POU3F2: variants seen among roughly 807,000 people sequenced by gnomAD.
POU3F2 encodes POU class 3 homeobox 2, also known as POU domain, class 3, transcription factor 2.
Under a neutral mutation model 33.1 loss-of-function variants are expected in POU3F2, and 11 were observed. That is an observed-to-expected ratio of 0.33 (90% CI 0.21 to 0.55). The LOEUF (loss-of-function observed/expected upper bound fraction) is 0.55. Ranked by LOEUF, POU3F2 falls within the 20% of genes least tolerant of loss-of-function variation. The pLI is 0.91. For missense variants in POU3F2, 456 were observed against 620.2 expected (o/e 0.74, Z 2.81); for synonymous variants, 332 against 289.6 (o/e 1.15, Z -1.49).
In POU3F2 at chr6:98,837,809, G is replaced by A. The variant is rs1181515380; in HGVS notation, c.*1604G>A. 6.0e-6 allele frequency: 1 copy of A among 166,714 alleles called. No homozygotes were observed. The highest frequency in any genetic ancestry group is 1.5e-5 in the Non-Finnish European group (1 of 68,112). The allele number at this position is 166,714 out of a possible 1,614,324, so 10.3% of individuals were successfully genotyped here. A position where few individuals can be genotyped will look rare whatever the true frequency, so the allele number is the denominator to read the frequency against. On this transcript the variant is annotated 3_prime_UTR_variant, in exon 1 of 1. Transcript: ENST00000328345. ...ACAAAAGACTCTACTGGAAAGTGTA[G>A]GTGAAAAAACTTGTAACTGTATTGA...
Position 98,834,678 on chromosome 6 carries a change from G to T in POU3F2, c.-196G>T, listed in dbSNP as rs1562201232. On this transcript the variant is annotated 5_prime_UTR_variant, in exon 1 of 1. Coordinates refer to ENST00000328345, the MANE Select transcript of POU3F2 (RefSeq NM_005604.4). ...GGAGAAAGAGAGCGAGGGCGGGCGG[G>T]AGGCGGCGGCGGCGGCAGCAGCAGC... The T allele has an allele frequency of 1.6e-6, 1 of 623,826 alleles. No homozygotes were observed. The highest frequency in any genetic ancestry group is 2.7e-6 in the Non-Finnish European group (1 of 365,742). The allele number at this position is 623,826 out of a possible 1,614,324, so 38.6% of individuals were successfully genotyped here.
chr6:98,835,911 C>T lies in POU3F2; in HGVS notation c.1038C>T (p.Asp346=), dbSNP rs761574545. The T allele has an allele frequency of 1.9e-6, 3 of 1,614,192 alleles. No individual in the cohort carries two copies. The Admixed American group carries it at 5.0e-5, about 27-fold the overall frequency. Residue 346 remains aspartate (D), a synonymous_variant, in exon 1 of 1, where the codon GAC becomes GAT. Transcript: ENST00000328345. This position sits in a 1 kb window ranked among gnomAD's most constrained non-coding sequence, Gnocchi z 9.7. ...CCTCGGGCAGCCCCACGAGCATAGA[C>T]AAGATCGCAGCGCAAGGGCGCAAGC... ...DSSSGSPTSI[D]KIAAQGRKRK...
Position 98,834,859 on chromosome 6 carries a change from C to A in POU3F2, c.-15C>A. 6.3e-7 allele frequency: 1 copy of A among 1,595,158 alleles called. No individual in the cohort carries two copies. The highest frequency in any genetic ancestry group is 2.3e-5 in the East Asian group (1 of 44,064). On this transcript the variant is annotated 5_prime_UTR_variant, in exon 1 of 1. Coordinates refer to ENST00000328345, the MANE Select transcript of POU3F2 (RefSeq NM_005604.4). ...GGCTCCTTTAACCGGAGCGCTCAGT[C>A]CGGCTCCGAGAGTCATGGCGACCGC...
At position 98,838,991 on chromosome 6, in the gene POU3F2, G is replaced by A. The variant is rs1353961556; in HGVS notation, c.*2786G>A. 2 of 148,708 alleles carry A rather than the reference G, an allele frequency of 1.3e-5. No individual in the cohort carries two copies. Among genetic ancestry groups the A allele is most frequent in the African/African-American group, 2.5e-5 (1 of 40,048 alleles). 9.2% of individuals were successfully genotyped at this position (148,708 alleles called of 1,614,324 possible). The stretch of plus-strand genomic sequence containing the variant: ...AGATTTGATGTTCATAACTTTCAGA[G>A]GCTTTTTTTTTTTTTAATGGAGACT... On this transcript the variant is annotated 3_prime_UTR_variant, in exon 1 of 1. Coordinates refer to ENST00000328345, the MANE Select transcript of POU3F2 (RefSeq NM_005604.4).
rs1438423232 is a variant in POU3F2 at position 98,835,613 on chromosome 6, G to T, written c.740G>T (p.Gly247Val). 1.2e-6 allele frequency: 2 copies of T among 1,611,438 alleles called. No individual in the cohort carries two copies. Among genetic ancestry groups the T allele is most frequent in the South Asian group, 2.2e-5 (2 of 91,020 alleles). ...CCGCCGCCCCCGCCGCCCCCGCAGG[G>T]TCCGCCTGGCCACCCAGGCGCGCAC... ...QQPPPPPPPQ[G>V]PPGHPGAHHD... The change falls in exon 1 of 1, where the codon GGT becomes GTT. Residue 247 changes from glycine (G) to valine (V), a missense_variant. Coordinates refer to ENST00000328345, the MANE Select transcript of POU3F2 (RefSeq NM_005604.4). The surrounding 1 kb of genome is among the most constrained non-coding windows in gnomAD (Gnocchi z 9.7).
At position 98,835,878 on chromosome 6, in the gene POU3F2, G is replaced by A. The variant is rs774425066; in HGVS notation, c.1005G>A (p.Ala335=). The change falls in exon 1 of 1, where the codon GCG becomes GCA. Residue 335 remains alanine (A), a synonymous_variant. Transcript: ENST00000328345. The surrounding 1 kb of genome is among the most constrained non-coding windows in gnomAD (Gnocchi z 9.7). The part of the protein sequence containing the change: ...KPLLNKWLEE[A]DSSSGSPTSI... ...TGTTGAACAAGTGGTTGGAGGAGGC[G>A]GACTCGTCCTCGGGCAGCCCCACGA... 23 of 1,614,192 alleles carry A rather than the reference G, an allele frequency of 1.4e-5. No homozygotes were observed. The highest frequency in any genetic ancestry group is 5.0e-5 in the Admixed American group (3 of 60,030).
Position 98,836,167 on chromosome 6 carries a change from A to C in POU3F2, c.1294A>C (p.Thr432Pro), listed in dbSNP as rs1582335118. The C allele has an allele frequency of 6.3e-7, 1 of 1,588,610 alleles. No homozygotes were observed. The highest frequency in any genetic ancestry group is 1.2e-5 in the South Asian group (1 of 86,104). Reference protein sequence around the residue: ...AEDVYGGSRDTPPHHGVQTPV... With the variant: ...AEDVYGGSRDPPPHHGVQTPV... ...GGATGTGTACGGGGGGAGTAGGGAC[A>C]CTCCACCACACCACGGGGTGCAGAC... The change falls in exon 1 of 1, where the codon ACT (threonine) becomes CCT (proline). Residue 432 changes from threonine (T) to proline (P), a missense_variant. Coordinates refer to ENST00000328345, the MANE Select transcript of POU3F2 (RefSeq NM_005604.4).
In POU3F2 at chr6:98,835,216, G is replaced by A. The variant is rs1200251709; in HGVS notation, c.343G>A (p.Gly115Arg). 4 of 1,522,632 alleles carry A rather than the reference G, an allele frequency of 2.6e-6. No homozygotes were observed. The South Asian group carries it at 3.7e-5, about 14-fold the overall frequency. The allele number at this position is 1,522,632 out of a possible 1,614,324, so 94.3% of individuals were successfully genotyped here. Residue 115 changes from glycine (G) to arginine (R), a missense_variant, in exon 1 of 1, where the codon GGA becomes AGA. Transcript: ENST00000328345. This position sits in a 1 kb window ranked among gnomAD's most constrained non-coding sequence, Gnocchi z 9.7. ...PSVVVQQGGRGDELHGPGALQ... is the reference protein window; with the variant it reads ...PSVVVQQGGRRDELHGPGALQ... ...GGTGGTGGTGCAGCAGGGCGGCCGC[G>A]GAGACGAGCTGCACGGGCCAGGCGC...
Position 98,836,304 on chromosome 6 carries a change from C to G in POU3F2, c.*99C>G. 1 of 1,343,786 alleles carries G rather than the reference C, an allele frequency of 7.4e-7. No homozygotes were observed. Among genetic ancestry groups the G allele is most frequent in the Non-Finnish European group, 9.8e-7 (1 of 1,021,150 alleles). 83.2% of individuals were successfully genotyped at this position (1,343,786 alleles called of 1,614,324 possible). On this transcript the variant is annotated 3_prime_UTR_variant, in exon 1 of 1. Transcript: ENST00000328345. The stretch of plus-strand genomic sequence containing the variant: ...GTTCCCTCTCTAACTTCTGATTGTT[C>G]TTTTATTTTTAATTATTATTTCCCC...
chr6:98,835,248 G>A lies in POU3F2; in HGVS notation c.375G>A (p.Gln125=). ...GDELHGPGAL[Q]QQHQQQQQQQ... Reference sequence around the variant, plus strand: ...AGCTGCACGGGCCAGGCGCCCTGCAGCAGCAGCATCAGCAGCAGCAACAGC... The same window carrying A: ...AGCTGCACGGGCCAGGCGCCCTGCAACAGCAGCATCAGCAGCAGCAACAGC... The change falls in exon 1 of 1, where the codon CAG becomes CAA. Residue 125 remains glutamine (Q), a synonymous_variant. Coordinates refer to ENST00000328345, the MANE Select transcript of POU3F2 (RefSeq NM_005604.4). This position sits in a 1 kb window ranked among gnomAD's most constrained non-coding sequence, Gnocchi z 9.7. 1.9e-6 allele frequency: 3 copies of A among 1,542,408 alleles called. No homozygotes were observed. Among genetic ancestry groups the A allele is most frequent in the Non-Finnish European group, 2.6e-6 (3 of 1,144,530 alleles).
At position 98,835,002 on chromosome 6, in the gene POU3F2, C is replaced by T. The variant is rs779817958; in HGVS notation, c.129C>T (p.Gly43=). 1.1e-5 allele frequency: 17 copies of T among 1,591,426 alleles called. No homozygotes were observed. The highest frequency in any genetic ancestry group is 5.5e-5 in the South Asian group (5 of 90,406). ...GYREAQSLVQ[G]DYGALQSNGH... is the part of the protein sequence containing the mutation. Reference sequence around the variant, plus strand: ...GCGAAGCGCAGAGCCTGGTGCAGGGCGACTACGGCGCTCTGCAGAGCAACG... The same window carrying T: ...GCGAAGCGCAGAGCCTGGTGCAGGGTGACTACGGCGCTCTGCAGAGCAACG... The change falls in exon 1 of 1, where the codon GGC becomes GGT. Residue 43 remains glycine (G), a synonymous_variant. Coordinates refer to ENST00000328345, the MANE Select transcript of POU3F2 (RefSeq NM_005604.4). The surrounding 1 kb of genome is among the most constrained non-coding windows in gnomAD (Gnocchi z 9.7).
chr6:98,834,918 C>G lies in POU3F2; in HGVS notation c.45C>G (p.Ser15Arg). ...ASNHYSLLTS[S>R]ASIVHAEPPG... ...ACCACTACAGCCTGCTCACCTCCAG[C>G]GCCTCCATCGTGCACGCCGAGCCGC... The change falls in exon 1 of 1, where the codon AGC becomes AGG. Residue 15 changes from serine (S) to arginine (R), a missense_variant. By Grantham distance (110) the Ser-to-Arg change is moderately radical. Coordinates refer to ENST00000328345, the MANE Select transcript of POU3F2 (RefSeq NM_005604.4). 6.2e-7 allele frequency: 1 copy of G among 1,600,350 alleles called. No homozygotes were observed. Among genetic ancestry groups the G allele is most frequent in the Middle Eastern group, 1.7e-4 (1 of 6,050 alleles).
Position 98,835,947 on chromosome 6 carries a change from G to A in POU3F2, c.1074G>A (p.Arg358=). 6.2e-7 allele frequency: 1 copy of A among 1,614,226 alleles called. No homozygotes were observed. The highest frequency in any genetic ancestry group is 1.3e-5 in the African/African-American group (1 of 75,076). ...IAAQGRKRKK[R]TSIEVSVKGA... ...CGCAAGGGCGCAAGCGGAAAAAGCG[G>A]ACCTCCATCGAGGTGAGCGTCAAGG... The change falls in exon 1 of 1, where the codon CGG becomes CGA. Residue 358 remains arginine (R), a synonymous_variant. Transcript: ENST00000328345. The surrounding 1 kb of genome is among the most constrained non-coding windows in gnomAD (Gnocchi z 9.7).
In POU3F2 at chr6:98,835,904, G is replaced by A. The variant is rs776612813; in HGVS notation, c.1031G>A (p.Ser344Asn). 2 of 1,614,210 alleles carry A rather than the reference G, an allele frequency of 1.2e-6. No individual in the cohort carries two copies. Among genetic ancestry groups the A allele is most frequent in the South Asian group, 1.1e-5 (1 of 91,082 alleles). ...EADSSSGSPT[S>N]IDKIAAQGRK... ...GACTCGTCCTCGGGCAGCCCCACGA[G>A]CATAGACAAGATCGCAGCGCAAGGG... Residue 344 changes from serine to asparagine, a missense_variant, in exon 1 of 1, where the codon AGC (serine) becomes AAC (asparagine). Coordinates refer to ENST00000328345, the MANE Select transcript of POU3F2 (RefSeq NM_005604.4). The surrounding 1 kb of genome is among the most constrained non-coding windows in gnomAD (Gnocchi z 9.7).
Position 98,836,160 on chromosome 6 carries a change from T to C in POU3F2, c.1287T>C (p.Ser429=). 3 of 1,597,650 alleles carry C rather than the reference T, an allele frequency of 1.9e-6. No individual in the cohort carries two copies. The highest frequency in any genetic ancestry group is 2.6e-6 in the Non-Finnish European group (3 of 1,176,108). Residue 429 remains serine, a synonymous_variant, in exon 1 of 1, where the codon AGT becomes AGC. Transcript: ENST00000328345. The part of the protein sequence containing the change: ...LPGAEDVYGG[S]RDTPPHHGVQ... ...GCGCCGAGGATGTGTACGGGGGGAG[T>C]AGGGACACTCCACCACACCACGGGG...
chr6:98,835,278 G>A lies in POU3F2; in HGVS notation c.405G>A (p.Gln135=), dbSNP rs1769979272. The A allele has an allele frequency of 1.3e-6, 2 of 1,545,584 alleles. No individual in the cohort carries two copies. The highest frequency in any genetic ancestry group is 1.7e-6 in the Non-Finnish European group (2 of 1,145,190). Residue 135 remains glutamine (Q), a synonymous_variant, in exon 1 of 1, where the codon CAG becomes CAA. Transcript: ENST00000328345. This position sits in a 1 kb window ranked among gnomAD's most constrained non-coding sequence, Gnocchi z 9.7. ...AGCATCAGCAGCAGCAACAGCAACA[G>A]CAGCAGCAACAGCAGCAACAGCAGC... ...QQQHQQQQQQ[Q]QQQQQQQQQQ...
Position 98,836,227 on chromosome 6 carries a change from G to A in POU3F2, c.*22G>A, listed in dbSNP as rs754989117. ...GTGAACTCGAGCTGGGGGAGGGGCAGAGCGCGGGGCTCCCCCTCCCCTTCG... is the reference window on the plus strand; with the variant it reads ...GTGAACTCGAGCTGGGGGAGGGGCAAAGCGCGGGGCTCCCCCTCCCCTTCG... On this transcript the variant is annotated 3_prime_UTR_variant, in exon 1 of 1. Coordinates refer to ENST00000328345, the MANE Select transcript of POU3F2 (RefSeq NM_005604.4). 41 of 1,550,892 alleles carry A rather than the reference G, an allele frequency of 2.6e-5. No homozygotes were observed. The highest frequency in any genetic ancestry group is 3.3e-5 in the Non-Finnish European group (38 of 1,158,722).
At position 98,836,197 on chromosome 6, in the gene POU3F2, G is replaced by A. The variant is rs764713551; in HGVS notation, c.1324G>A (p.Val442Ile). The A allele has an allele frequency of 4.5e-6, 7 of 1,569,352 alleles. No homozygotes were observed. Among genetic ancestry groups the A allele is most frequent in the Admixed American group, 2.2e-5 (1 of 45,838 alleles). The change falls in exon 1 of 1, where the codon GTC becomes ATC. Residue 442 changes from valine (V) to isoleucine (I), a missense_variant. By Grantham distance (29) the Val-to-Ile change is conservative. Coordinates refer to ENST00000328345, the MANE Select transcript of POU3F2 (RefSeq NM_005604.4). ...ACCACACCACGGGGTGCAGACGCCC[G>A]TCCAGTGAACTCGAGCTGGGGGAGG... is the stretch of plus-strand genomic sequence containing the variant. ...TPPHHGVQTPVQ is the reference protein window; with the variant it reads ...TPPHHGVQTPIQ
In POU3F2 at chr6:98,837,468, G is replaced by A. The variant is rs1324476049; in HGVS notation, c.*1263G>A. 2 of 166,898 alleles carry A rather than the reference G, an allele frequency of 1.2e-5. No homozygotes were observed. The highest frequency in any genetic ancestry group is 2.9e-5 in the Non-Finnish European group (2 of 68,094). The allele number at this position is 166,898 out of a possible 1,614,324, so 10.3% of individuals were successfully genotyped here. A position where few individuals can be genotyped will look rare whatever the true frequency, so the allele number is the denominator to read the frequency against. On this transcript the variant is annotated 3_prime_UTR_variant, in exon 1 of 1. Coordinates refer to ENST00000328345, the MANE Select transcript of POU3F2 (RefSeq NM_005604.4). ...AAAAAAGACCCAGGAACTTAATAGT[G>A]TATGCATAAGACTGTGTTTTTTAGC...
Sources: allele counts gnomAD v4.1 joint callset, GRCh38; gene constraint gnomAD v4.1.1; non-coding constraint Gnocchi (gnomAD v3.1); transcripts MANE v1.5; gene names NCBI Gene and HGNC (gene_info 2026-07-23, HGNC 2026-07-21).